Variants in MTREX observed in about 807,000 individuals in gnomAD.
MTREX encodes the protein exosome RNA helicase MTR4.
Under a neutral mutation model 135.4 loss-of-function variants are expected in MTREX, and 76 were observed. The observed-to-expected ratio is 0.56, with a 90% CI of 0.47 to 0.68. The LOEUF is 0.68. Among genes scored for constraint, MTREX ranks in the 30% least tolerant of loss-of-function variants. The pLI, the probability that MTREX is intolerant of heterozygous loss-of-function variation, is 0.00. For synonymous variants in MTREX, 404 were observed against 401.6 expected, an observed-to-expected ratio of 1.01 and a Z score of -0.07; for missense variants, 920 against 1,262.1, an observed-to-expected ratio of 0.73 and a Z score of 4.11.
intron 1 of MTREX, among the ~76,000 whole-genome samples, chr5:55,320,733 T>A (rs954622555): frequency 6.6e-6 from 1 of 152,204 alleles, no homozygotes; most frequent in South Asian, 2.1e-4. Context: ...CAAAATATAT[T>A]TTTATGTTTG....
Position 55,397,486 on chromosome 5 carries a change from G to A in MTREX, c.2252G>A (p.Arg751Gln), listed in dbSNP as rs757482394. 47 of 1,609,510 alleles carry A rather than the reference G, an allele frequency of 2.9e-5. 1 individual carries two copies. The South Asian group carries it at 3.0e-4, about 10-fold the overall frequency. Residue 751 changes from arginine to glutamine, a missense_variant, in exon 20 of 27, where the codon CGG becomes CAG. By Grantham distance (43) the Arg-to-Gln change is conservative (BLOSUM62 1). Around this residue, in one of 6 missense-constraint regions of MTREX, gnomAD observed 467 missense variants for 589.7 expected, o/e 0.79. Transcript: ENST00000230640. ...SVRLYIPKDL[R>Q]PVDNRQSVLK... is the part of the protein sequence containing the mutation. ...AGGCTTTACATTCCTAAAGACCTTCGGCCGGTGGACAATAGACAGAGTGTT... is the reference window on the plus strand; with the variant it reads ...AGGCTTTACATTCCTAAAGACCTTCAGCCGGTGGACAATAGACAGAGTGTT...
At chr5:55,356,876 T>G (rs1749925554) in intron 14 of MTREX, 1 of 166,252 alleles carries the variant, frequency 6.0e-6, no homozygotes, top group African/African-American at 2.4e-5. Context: ...TTGGAGTCAG[T>G]GCCTGGATGG....
chr5:55,315,826 G>A (rs1749189484), intron 1 of MTREX, among the ~76,000 whole-genome samples: 1 of 151,160 alleles, frequency 6.6e-6, no homozygotes, highest in Admixed American at 6.6e-5. Context: ...GGGAGGCTGG[G>A]GCCACCCTGG....
intron 21 of MTREX, among the ~76,000 whole-genome samples, chr5:55,404,222 G>A (rs909863937): frequency 2.0e-5 from 3 of 151,882 alleles, no homozygotes; most frequent in South Asian, 2.1e-4. Flanking sequence ...CTTTTCTGTC[G>A]GTGTTTTTCT....
rs1172243463 is a variant in MTREX, at chr5:55,425,495, AG to A, written c.*724del. ...TTAGAGACTAACTGGGATTTTTTAA[AG>A]ATTATTCCAAATTAAGAGTTGCTTT... On this transcript the variant is annotated 3_prime_UTR_variant, in exon 27 of 27. Coordinates refer to ENST00000230640, the MANE Select transcript of MTREX (RefSeq NM_015360.5). 3.1e-6 allele frequency: 2 copies of A among 639,314 alleles called. No individual in the cohort carries two copies. Among genetic ancestry groups the A allele is most frequent in the African/African-American group, 3.8e-5 (2 of 52,774 alleles). The allele number at this position is 639,314 out of a possible 1,614,324, so 39.6% of individuals were successfully genotyped here.
At chr5:55,379,609 C>CACA (rs1410060050) in intron 18 of MTREX, among the ~76,000 whole-genome samples, 1 of 151,536 alleles carries the variant, frequency 6.6e-6, no homozygotes, top group African/African-American at 2.4e-5. Flanking sequence ...CACACACACA[C>CACA]ACTCAGAGAG....
At position 55,394,826 on chromosome 5, in the gene MTREX, A is replaced by G. The variant is rs112592811; in HGVS notation, c.2182-2590A>G. On this transcript the variant is annotated intron_variant, in intron 19 of 26. Transcript: ENST00000230640. ...GGCGGGCAGATCACCTGAGGTCAGG[A>G]GTTTAAGACCAGCCTGTCTAACATG... Among the ~76,000 whole-genome samples the G allele has an allele frequency of 5.4e-3, 822 of 152,132 alleles. 4 individuals carry two copies. The highest frequency in any genetic ancestry group is 0.019 in the African/African-American group (792 of 41,486).
intron 8 of MTREX, among the ~76,000 whole-genome samples, chr5:55,343,873 T>G (rs1210433622): frequency 6.6e-6 from 1 of 152,206 alleles, no homozygotes; most frequent in Non-Finnish European, 1.5e-5. Context: ...AAACACAGAC[T>G]TTTTACTGAC....
intron 25 of MTREX, among the ~76,000 whole-genome samples, chr5:55,417,893 T>C (rs1750993793): frequency 6.6e-6 from 1 of 151,812 alleles, no homozygotes; most frequent in Admixed American, 6.6e-5. Flanking sequence ...AGAGAGTAGC[T>C]TTTTTTTATT....
At chr5:55,333,042 T>C (rs776030556) in intron 5 of MTREX, among the ~76,000 whole-genome samples, 3 of 152,172 alleles carry the variant, frequency 2.0e-5, no homozygotes, top group Non-Finnish European at 2.9e-5. Context: ...CTTTTATTGA[T>C]ACTAAAACAT....
Position 55,397,615 on chromosome 5 carries a change from T to C in MTREX, c.2292+89T>C. On this transcript the variant is annotated intron_variant, in intron 20 of 26. Transcript: ENST00000230640. ...GGCAACTGAAATGCTTTTAAATATA[T>C]TGCTTTCTTTCAGAATACCTATAAA... 4 of 714,614 alleles carry C rather than the reference T, an allele frequency of 5.6e-6. No individual in the cohort carries two copies. The Admixed American group carries it at 1.1e-4, about 20-fold the overall frequency. The allele number at this position is 714,614 out of a possible 1,614,324, so 44.3% of individuals were successfully genotyped here.
chr5:55,308,032 G>C lies in MTREX; in HGVS notation c.19G>C (p.Asp7His), dbSNP rs139971802. 1.9e-6 allele frequency: 3 copies of C among 1,614,058 alleles called. No homozygotes were observed. The highest frequency in any genetic ancestry group is 2.7e-5 in the African/African-American group (2 of 74,926). The change falls in exon 1 of 27, where the codon GAT becomes CAT. Residue 7 changes from aspartate (D) to histidine (H), a missense_variant. Asp to His is a moderately conservative substitution (Grantham distance 81, BLOSUM62 -1). Around this residue, in one of 6 missense-constraint regions of MTREX, gnomAD observed 136 missense variants for 126.7 expected, o/e 1.07. Transcript: ENST00000230640. ...CCCAAAAATGGCGGACGCATTCGGA[G>C]ATGAGCTGTTCAGCGTGTTCGAGGG... Reference protein sequence around the residue: MADAFGDELFSVFEGDS... With the variant: MADAFGHELFSVFEGDS...
At chr5:55,417,408 C>T (rs1464109040) in intron 25 of MTREX, among the ~76,000 whole-genome samples, 1 of 152,206 alleles carries the variant, frequency 6.6e-6, no homozygotes, top group Non-Finnish European at 1.5e-5. Flanking sequence ...AAACTCTGGT[C>T]TCTGTAACTA....
intron 3 of MTREX, 100 bp from the exon 4 acceptor site, chr5:55,327,616 T>A: frequency 1.1e-6 from 1 of 871,880 alleles, no homozygotes; most frequent in African/African-American, 1.7e-5. Context: ...CTCTAGTTCA[T>A]CAGTTTTATT....
At chr5:55,372,146 C>T (rs7710689) in intron 16 of MTREX, among the ~76,000 whole-genome samples, 21,335 of 152,064 alleles carry the variant, frequency 0.14, 1,886 homozygotes, top group East Asian at 0.26. Context: ...TGTGCAGTCT[C>T]CATTTTCGTG....
intron 12 of MTREX, among the ~76,000 whole-genome samples, 176 bp downstream of exon 12, chr5:55,349,828 A>G (rs1433674700): frequency 6.6e-6 from 1 of 152,238 alleles, no homozygotes; most frequent in East Asian, 1.9e-4. Context: ...GGCAATAGGA[A>G]GAAAGATTTG....
intron 6 of MTREX, 91 bp from the exon 7 acceptor site, chr5:55,341,590 C>A: frequency 7.0e-6 from 4 of 570,496 alleles, no homozygotes; most frequent in East Asian, 3.0e-5. Flanking sequence ...AAAGAATATC[C>A]AAAATTCCTT....
chr5:55,320,177 C>G (rs1749264313), intron 1 of MTREX, among the ~76,000 whole-genome samples: 1 of 150,990 alleles, frequency 6.6e-6, no homozygotes, highest in African/African-American at 2.4e-5. Flanking sequence ...AAAGGTTGTT[C>G]AAGCATATGG....
At position 55,391,624 on chromosome 5, in the gene MTREX, A is replaced by C. The variant is rs969562113; in HGVS notation, c.2181+3522A>C. Among the ~76,000 whole-genome samples, 3 of 152,162 alleles carry C rather than the reference A, an allele frequency of 2.0e-5. No individual in the cohort carries two copies. In the East Asian group the frequency reaches 5.8e-4, roughly 29 times the overall value. On this transcript the variant is annotated intron_variant, in intron 19 of 26. Transcript: ENST00000230640. ...CAAATAAGGAGGAACAGAGGACTAA[A>C]ACTCTGACTGCTGTTCTTTGTTCTA...
Sources: gnomAD v4.1 joint callset for allele counts (sites outside exome capture counted in the v4.1 genomes callset) on GRCh38, gnomAD v4.1.1 for gene constraint, gnomAD v4.1.1 regional missense constraint, MANE v1.5 for transcripts, NCBI Gene and HGNC (gene_info 2026-07-23, HGNC 2026-07-21) for gene names.